The following SMN1 variants were observed in gnomAD, a reference collection of about 807,000 sequenced individuals.
SMN1 encodes survival of motor neuron 1, telomeric, also known as survival motor neuron protein.
For synonymous variants in SMN1, 3 were observed against 5.1 expected (o/e 0.58, Z 0.56); for missense variants, 15 against 17.1 (o/e 0.88, Z 0.22).
intron 8 of SMN1, 163 bp downstream of exon 8, chr5:70,952,157 T>A (rs1749784569): frequency 6.8e-7 from 1 of 1,467,488 alleles, no homozygotes; most frequent in Non-Finnish European, 9.1e-7. Context: ...AACTATTAGA[T>A]AAAAGGTTAA....
At chr5:70,959,163 A>C in the SMN1 span, among the ~76,000 whole-genome samples, 1 of 148,694 alleles carries the variant, frequency 6.7e-6, no homozygotes, top group Non-Finnish European at 1.5e-5. Flanking sequence ...AGGACAAAAA[A>C]CCAAACACCG....
the SMN1 span, among the ~76,000 whole-genome samples, chr5:70,959,554 TTTG>T: frequency 2.0e-5 from 2 of 100,038 alleles, no homozygotes; most frequent in Non-Finnish European, 4.2e-5. Flanking sequence ...TTTCTAATCA[TTTG>T]TTATTTAATA....
At chr5:70,950,380 G>T (rs1749656931) in intron 7 of SMN1, among the ~76,000 whole-genome samples, 1 of 147,846 alleles carries the variant, frequency 6.8e-6, no homozygotes, top group Non-Finnish European at 1.5e-5. Flanking sequence ...TTGCACCATT[G>T]CACTCCAGCC....
chr5:70,950,111 T>C (rs2112822025), intron 7 of SMN1, among the ~76,000 whole-genome samples: 2 of 146,620 alleles, frequency 1.4e-5, no homozygotes, highest in South Asian at 2.1e-4. Flanking sequence ...GGAACATCAT[T>C]GGACATACTG....
downstream of SMN1, among the ~76,000 whole-genome samples, chr5:70,954,852 C>CAAAAAA (rs1233451411): frequency 3.0e-4 from 2 of 6,746 alleles, 1 homozygote; most frequent in Non-Finnish European, 6.7e-4. Flanking sequence ...GACTCCGTCT[C>CAAAAAA]AAAAAAAAAA....
At chr5:70,951,868 T>C (rs1749761559) in intron 7 of SMN1, 73 bp from the exon 8 acceptor site, 1 of 1,271,872 alleles carries the variant, frequency 7.9e-7, no homozygotes, top group Non-Finnish European at 1.1e-6. Flanking sequence ...TTAACATCCA[T>C]ATAAAGCTAT....
chr5:70,954,978 G>A (rs1470315121), downstream of SMN1, among the ~76,000 whole-genome samples: 13 of 117,722 alleles, frequency 1.1e-4, no homozygotes, highest in African/African-American at 3.7e-4. Context: ...TTGGGAGGAC[G>A]AGACAGGCGG....
chr5:70,950,302 A>G (rs1326494644), intron 7 of SMN1, among the ~76,000 whole-genome samples: 6 of 147,464 alleles, frequency 4.1e-5, no homozygotes. Flanking sequence ...CTGTAATCCC[A>G]GCTACTTGGG....
At chr5:70,957,330 C>G (rs1400625237), downstream of SMN1, among the ~76,000 whole-genome samples, 4 of 91,132 alleles carry the variant, frequency 4.4e-5, no homozygotes, top group East Asian at 1.5e-3. Context: ...CCTAATTGCC[C>G]TGGCCAGAAC....
At chr5:70,952,238 G>A (rs1749788507) in intron 8 of SMN1, 1 of 1,483,488 alleles carries the variant, frequency 6.7e-7, no homozygotes, top group Non-Finnish European at 8.9e-7. Flanking sequence ...TCACAATAAA[G>A]AGCTTTAGGA....
At chr5:70,960,942 C>G in the SMN1 span, among the ~76,000 whole-genome samples, 1 of 138,298 alleles carries the variant, frequency 7.2e-6, no homozygotes, top group Admixed American at 7.4e-5. Context: ...AGTGATCCAC[C>G]CACCTTGGCA....
At chr5:70,952,137 T>C in intron 8 of SMN1, 143 bp downstream of exon 8, 1 of 1,485,124 alleles carries the variant, frequency 6.7e-7, no homozygotes, top group Admixed American at 2.5e-5. Flanking sequence ...TTAAAGAATT[T>C]TGATGCCAAA....
downstream of SMN1, among the ~76,000 whole-genome samples, chr5:70,956,722 T>C (rs1175068800): frequency 2.0e-5 from 3 of 150,492 alleles, no homozygotes; most frequent in Non-Finnish European, 3.0e-5. Context: ...ACTGTAGCCT[T>C]GTAGTATAGT....
chr5:70,960,235 A>G, the SMN1 span, among the ~76,000 whole-genome samples: 5 of 149,114 alleles, frequency 3.4e-5, no homozygotes, highest in African/African-American at 1.2e-4. Context: ...GTTTTTGCTT[A>G]TAAAATTTTA....
At chr5:70,951,110 T>C (rs1214685387) in intron 7 of SMN1, among the ~76,000 whole-genome samples, 1 of 151,730 alleles carries the variant, frequency 6.6e-6, no homozygotes, top group Non-Finnish European at 1.5e-5. Flanking sequence ...TTTTATTTTT[T>C]AGAGACCAGG....
downstream of SMN1, among the ~76,000 whole-genome samples, chr5:70,958,767 G>T (rs1275637329): frequency 2.0e-5 from 3 of 147,640 alleles, no homozygotes. Flanking sequence ...GTGTGGTGTG[G>T]TGCTGAAAAA....
the SMN1 span, among the ~76,000 whole-genome samples, chr5:70,960,195 C>T: frequency 6.7e-6 from 1 of 150,304 alleles, no homozygotes; most frequent in Admixed American, 6.7e-5. Context: ...CTTCCCATTA[C>T]CATTTTAACT....
At chr5:70,935,854 T>TAATAGTATACCAAATCCAA (rs1369282849) in intron 1 of SMN1, among the ~76,000 whole-genome samples, 1 of 113,914 alleles carries the variant, frequency 8.8e-6, no homozygotes, top group East Asian at 3.0e-4. Flanking sequence ...ATTCATTGAC[T>TAATAGTATACCAAATCCAA]AATACTATAC....
chr5:70,951,765 A>T, intron 7 of SMN1, among the ~76,000 whole-genome samples, 176 bp from the exon 8 acceptor site: 1 of 150,074 alleles, frequency 6.7e-6, no homozygotes, highest in Non-Finnish European at 1.5e-5. Flanking sequence ...CTTTGGGATA[A>T]CTTTTAAAGT....
Sources: gnomAD v4.1 joint callset for allele counts (sites outside exome capture counted in the v4.1 genomes callset) on GRCh38, gnomAD v4.1.1 for gene constraint, MANE v1.5 for transcripts, NCBI Gene and HGNC (gene_info 2026-07-23, HGNC 2026-07-21) for gene names.